The following LRP5 variants were observed in gnomAD, a reference collection of about 807,000 sequenced individuals.
The protein encoded by LRP5 is low-density lipoprotein receptor-related protein 5.
A neutral mutation model predicts 154.1 loss-of-function variants in LRP5; 62 were observed. That is an observed-to-expected ratio of 0.40 (90% CI 0.33 to 0.50). The LOEUF is 0.50. Among genes scored for constraint, LRP5 ranks in the 20% least tolerant of loss-of-function variants. LRP5 has a pLI of 0.55. For missense variants in LRP5, 1,915 were observed against 2,336.7 expected, an observed-to-expected ratio of 0.82 and a Z score of 3.72; for synonymous variants, 966 against 1,011.5, an observed-to-expected ratio of 0.96 and a Z score of 0.85.
the LRP5 span, among the ~76,000 whole-genome samples, chr11:68,298,691 G>A: frequency 6.6e-6 from 1 of 151,104 alleles, no homozygotes; most frequent in South Asian, 2.1e-4. Flanking sequence ...TAGAGCCTAG[G>A]GGCTGCTGTT....
At chr11:68,345,223 C>T (rs2098611919) in intron 1 of LRP5, among the ~76,000 whole-genome samples, 1 of 151,934 alleles carries the variant, frequency 6.6e-6, no homozygotes, top group Non-Finnish European at 1.5e-5. Flanking sequence ...GCAGATTTTG[C>T]CCCGCTATTC....
intron 1 of LRP5, among the ~76,000 whole-genome samples, chr11:68,332,142 G>A (rs937698644): frequency 6.6e-6 from 1 of 151,956 alleles, no homozygotes; most frequent in African/African-American, 2.4e-5. Flanking sequence ...GAGCTCCTCC[G>A]CTCTTGTGGT....
At position 68,365,632 on chromosome 11, in the gene LRP5, C is replaced by A; in HGVS notation, c.945C>A (p.Ser315Arg). Reference protein sequence around the residue: ...GCSHLCLLSPSEPFYTCACPT... With the variant: ...GCSHLCLLSPREPFYTCACPT... Reference sequence around the variant, plus strand: ...CCCACCTGTGCCTGCTGTCCCCAAGCGAGCCTTTCTACACATGCGCCTGCC... The same window carrying A: ...CCCACCTGTGCCTGCTGTCCCCAAGAGAGCCTTTCTACACATGCGCCTGCC... The change falls in exon 5 of 23, where the codon AGC becomes AGA. Residue 315 changes from serine (S) to arginine (R), a missense_variant. By Grantham distance (110) the Ser-to-Arg change is moderately radical (BLOSUM62 -1). Around this residue, in one of 3 missense-constraint regions of LRP5, gnomAD observed 773 missense variants for 1,100.9 expected, o/e 0.70. Transcript: ENST00000294304. The A allele has an allele frequency of 3.1e-6, 5 of 1,613,592 alleles. No homozygotes were observed. Among genetic ancestry groups the A allele is most frequent in the Non-Finnish European group, 4.2e-6 (5 of 1,179,864 alleles).
At chr11:68,404,313 C>A in intron 8 of LRP5, 1 of 531,272 alleles carries the variant, frequency 1.9e-6, no homozygotes, top group Non-Finnish European at 3.7e-6. Flanking sequence ...CTGCCGGGGT[C>A]CCACACTGCA....
the LRP5 span, among the ~76,000 whole-genome samples, chr11:68,298,891 T>C: frequency 6.6e-6 from 1 of 152,056 alleles, no homozygotes; most frequent in Non-Finnish European, 1.5e-5. Flanking sequence ...ATGTCTACAC[T>C]AGGAACTCAC....
At chr11:68,432,848 C>G (rs191963517) in intron 17 of LRP5, among the ~76,000 whole-genome samples, 1 of 152,356 alleles carries the variant, frequency 6.6e-6, no homozygotes, top group Admixed American at 6.5e-5. Flanking sequence ...TCCCTGAGTG[C>G]TGCCGCATGC....
At chr11:68,326,353 G>A (rs1017797684) in intron 1 of LRP5, among the ~76,000 whole-genome samples, 11 of 152,232 alleles carry the variant, frequency 7.2e-5, no homozygotes, top group Non-Finnish European at 1.3e-4. Context: ...GTCTGGGCTG[G>A]CTGCTTCCTC....
rs1033466917 is a variant in LRP5 at position 68,423,362 on chromosome 11, A to G, written c.3028-127A>G. On this transcript the variant is annotated intron_variant, in intron 13 of 22. Coordinates refer to ENST00000294304, the MANE Select transcript of LRP5 (RefSeq NM_002335.4). The surrounding 1 kb of genome is among the most constrained non-coding windows in gnomAD (Gnocchi z 4.7). ...TGCCAGAGCTCTCCAGCCAGTGCCC[A>G]GGGCTCTCCAGCCAGTGCCCGGGGG... 35 of 849,074 alleles carry G rather than the reference A, an allele frequency of 4.1e-5. No homozygotes were observed. The highest frequency in any genetic ancestry group is 6.9e-5 in the Non-Finnish European group (34 of 492,566). The allele number at this position is 849,074 out of a possible 1,614,324, so 52.6% of individuals were successfully genotyped here.
At chr11:68,405,755 G>A (rs1379946104) in intron 8 of LRP5, among the ~76,000 whole-genome samples, 1 of 152,194 alleles carries the variant, frequency 6.6e-6, no homozygotes, top group Non-Finnish European at 1.5e-5. Flanking sequence ...TTAACAGACT[G>A]GCCAAAAATA....
At chr11:68,336,149 C>T (rs2098605560) in intron 1 of LRP5, among the ~76,000 whole-genome samples, 1 of 152,108 alleles carries the variant, frequency 6.6e-6, no homozygotes, top group Non-Finnish European at 1.5e-5. Flanking sequence ...AGAGCTTGTC[C>T]ACGAAGAAGC....
chr11:68,397,303 A>G (rs966905217), intron 7 of LRP5, among the ~76,000 whole-genome samples: 1 of 151,940 alleles, frequency 6.6e-6, no homozygotes, highest in African/African-American at 2.4e-5. Context: ...GCCACAAGAC[A>G]TGGCTGTGTG....
At chr11:68,419,278 GC>G (rs1409349801) in intron 13 of LRP5, among the ~76,000 whole-genome samples, 1 of 152,138 alleles carries the variant, frequency 6.6e-6, no homozygotes, top group African/African-American at 2.4e-5. Flanking sequence ...CAGTGCCCAG[GC>G]TGGAGTGCAG....
At chr11:68,326,505 C>T (rs2098599776) in intron 1 of LRP5, among the ~76,000 whole-genome samples, 1 of 152,250 alleles carries the variant, frequency 6.6e-6, no homozygotes. Context: ...GCCCACCCGT[C>T]TTCCCTCGCC....
At chr11:68,433,898 C>T (rs980876552) in intron 18 of LRP5, 60 bp downstream of exon 18, 7 of 1,513,498 alleles carry the variant, frequency 4.6e-6, no homozygotes, top group Non-Finnish European at 5.4e-6. Context: ...GGGATACGAG[C>T]TTGGGGCTGC....
At chr11:68,319,208 C>G (rs2098595320) in intron 1 of LRP5, among the ~76,000 whole-genome samples, 1 of 151,728 alleles carries the variant, frequency 6.6e-6, no homozygotes, top group African/African-American at 2.4e-5. Flanking sequence ...GCTGGGACTA[C>G]AGGCATCTGC....
intron 4 of LRP5, among the ~76,000 whole-genome samples, chr11:68,364,940 T>G (rs1223609457): frequency 1.3e-5 from 2 of 152,272 alleles, no homozygotes; most frequent in East Asian, 3.9e-4. Context: ...AGCTTTCCCC[T>G]GGTTTGAATG....
chr11:68,362,987 C>G (rs547774928), intron 3 of LRP5, among the ~76,000 whole-genome samples: 81 of 152,250 alleles, frequency 5.3e-4, no homozygotes, highest in African/African-American at 1.9e-3. Flanking sequence ...GATCCTGTTT[C>G]CAGTGTCCAT....
Position 68,449,000 on chromosome 11 carries a change from C to T in LRP5, c.4778C>T (p.Ser1593Leu), listed in dbSNP as rs1205746483. Residue 1593 changes from serine (S) to leucine (L), a missense_variant, in exon 23 of 23, where the codon TCG becomes TTG. Physicochemically the swap from Ser to Leu is moderately radical, Grantham distance 145. This residue lies in a region of LRP5 where 1,094 missense variants were observed against 1,210.1 expected (regional missense o/e 0.90). Transcript: ENST00000294304. Reference protein sequence around the residue: ...YLSAEDSCPPSPATERSYFHL... With the variant: ...YLSAEDSCPPLPATERSYFHL... ...TCGGCGGAGGACAGCTGCCCGCCCT[C>T]GCCCGCCACCGAGAGGAGCTACTTC... 3.1e-6 allele frequency: 5 copies of T among 1,602,714 alleles called. No homozygotes were observed. Among genetic ancestry groups the T allele is most frequent in the South Asian group, 1.1e-5 (1 of 90,830 alleles).
rs770762272 is a variant in LRP5 at position 68,436,953 on chromosome 11, C to T, written c.4065C>T (p.Cys1355=). 8.1e-5 allele frequency: 130 copies of T among 1,613,730 alleles called. No individual in the cohort carries two copies. The highest frequency in any genetic ancestry group is 9.7e-5 in the Non-Finnish European group (115 of 1,179,964). ...SGQCVLIKQQ[C]DSFPDCIDGS... is the part of the protein sequence containing the mutation. ...AGTGTGTCCTCATCAAACAGCAGTG[C>T]GACTCCTTCCCCGACTGTATCGACG... Residue 1355 remains cysteine, a synonymous_variant, in exon 19 of 23, where the codon TGC becomes TGT. Coordinates refer to ENST00000294304, the MANE Select transcript of LRP5 (RefSeq NM_002335.4).
Sources: allele counts gnomAD v4.1 joint callset (sites outside exome capture counted in the v4.1 genomes callset), GRCh38; gene constraint gnomAD v4.1.1; regional missense constraint gnomAD v4.1.1; non-coding constraint Gnocchi (gnomAD v3.1); transcripts MANE v1.5; gene names NCBI Gene and HGNC (gene_info 2026-07-23, HGNC 2026-07-21).